TRPV2: variants seen among roughly 807,000 people sequenced by gnomAD.
The protein encoded by TRPV2 is transient receptor potential cation channel subfamily V member 2.
A neutral mutation model predicts 91.0 loss-of-function variants in TRPV2; 58 were observed. That is an observed-to-expected ratio of 0.64 (90% CI 0.52 to 0.79). The LOEUF (loss-of-function observed/expected upper bound fraction) is 0.79. Among genes scored for constraint, TRPV2 ranks in the 30% least tolerant of loss-of-function variants. The probability of loss-of-function intolerance (pLI) is 0.00; values close to 1 mark genes in which losing one functional copy is unlikely to be tolerated. For synonymous variants in TRPV2, 417 were observed against 414.8 expected (o/e 1.01, Z -0.06); for missense variants, 807 against 969.6 (o/e 0.83, Z 2.23).
chr17:16,431,663 T>A, intron 10 of TRPV2, 121 bp from the exon 11 acceptor site: 1 of 835,358 alleles, frequency 1.2e-6, no homozygotes. Flanking sequence ...CACATATGCA[T>A]ATGTATGTGT....
In TRPV2 at chr17:16,426,616, T is replaced by C. The variant is rs1411412138; in HGVS notation, c.1096-106T>C. On this transcript the variant is annotated intron_variant, in intron 6 of 14. Coordinates refer to ENST00000338560, the MANE Select transcript of TRPV2 (RefSeq NM_016113.5). The surrounding 1 kb of genome is among the most constrained non-coding windows in gnomAD (Gnocchi z 6.0). The stretch of plus-strand genomic sequence containing the variant: ...TCCTGGGGTGTGGAAGCCTGCTCCC[T>C]GTCCTCTCTCCTCATTTCCTGGGCC... The C allele has an allele frequency of 1.5e-6, 2 of 1,370,372 alleles. No homozygotes were observed. 84.9% of individuals were successfully genotyped at this position (1,370,372 alleles called of 1,614,324 possible).
At position 16,427,475 on chromosome 17, in the gene TRPV2, G is replaced by C. The variant is rs748553622; in HGVS notation, c.1278G>C (p.Glu426Asp). The change falls in exon 8 of 15, where the codon GAG becomes GAC. Residue 426 changes from glutamate (E) to aspartate (D), a missense_variant. Glu to Asp is a conservative substitution (Grantham distance 45). Transcript: ENST00000338560. ...KKQAAPHLKAEVGNSMLLTGH... is the reference protein window; with the variant it reads ...KKQAAPHLKADVGNSMLLTGH... The stretch of plus-strand genomic sequence containing the variant: ...AGGCCGCCCCTCACCTGAAAGCGGA[G>C]GTTGGAAACTCCATGCTGCTGACGG... 13 of 1,613,766 alleles carry C rather than the reference G, an allele frequency of 8.1e-6. No homozygotes were observed. Among genetic ancestry groups the C allele is most frequent in the Non-Finnish European group, 1.1e-5 (13 of 1,179,842 alleles).
chr17:16,429,555 T>C (rs2093400298), intron 10 of TRPV2, among the ~76,000 whole-genome samples: 1 of 152,122 alleles, frequency 6.6e-6, no homozygotes. Flanking sequence ...ACCCTTTAGA[T>C]GGGATGGTCT....
In TRPV2 at chr17:16,432,050, G is replaced by T; in HGVS notation, c.1739G>T (p.Gly580Val). ...NATESVQPME[G>V]QEDEGNGAQY... ...ACAGAGTCAGTGCAGCCCATGGAGG[G>T]ACAGGAGGACGAGGGCAACGGGGCC... is the stretch of plus-strand genomic sequence containing the variant. Residue 580 changes from glycine (G) to valine (V), a missense_variant, in exon 12 of 15, where the codon GGA (glycine) becomes GTA (valine). Gly to Val is a moderately radical substitution (Grantham distance 109). Transcript: ENST00000338560. 2 of 1,613,836 alleles carry T rather than the reference G, an allele frequency of 1.2e-6. No homozygotes were observed. Among genetic ancestry groups the T allele is most frequent in the Non-Finnish European group, 1.7e-6 (2 of 1,179,760 alleles).
intron 10 of TRPV2, among the ~76,000 whole-genome samples, chr17:16,431,275 A>T (rs1568918762): frequency 1.3e-5 from 1 of 74,798 alleles, no homozygotes; most frequent in African/African-American, 5.9e-5. Flanking sequence ...ATATATATAT[A>T]TATATATATA....
At chr17:16,420,089 T>G (rs1440407825) in intron 2 of TRPV2, 26 bp from the exon 3 acceptor site, 1 of 1,603,972 alleles carries the variant, frequency 6.2e-7, no homozygotes. Context: ...TTCTCCAGCA[T>G]GAGTCACAAA....
intron 2 of TRPV2, among the ~76,000 whole-genome samples, chr17:16,419,859 T>A (rs1290949401): frequency 6.6e-6 from 1 of 152,208 alleles, no homozygotes; most frequent in Non-Finnish European, 1.5e-5. Flanking sequence ...CACCTGATGC[T>A]GAAAAGTGTC....
intron 12 of TRPV2, chr17:16,433,263 G>A: frequency 3.6e-6 from 1 of 280,756 alleles, no homozygotes; most frequent in Admixed American, 4.9e-5. Flanking sequence ...CTGGTGGTGT[G>A]GCAATCTGGA....
In TRPV2 at chr17:16,423,783, C is replaced by T; in HGVS notation, c.924+16C>T. The T allele has an allele frequency of 1.3e-6, 2 of 1,539,156 alleles. No homozygotes were observed. Among genetic ancestry groups the T allele is most frequent in the Non-Finnish European group, 1.8e-6 (2 of 1,140,678 alleles). On this transcript the variant is annotated intron_variant, in intron 5 of 14. Transcript: ENST00000338560. ...CAAGATCGAGGTGAGCGGCTGTCCC[C>T]TTCCCACTTCCCCTCTCCAGGAAGC...
intron 13 of TRPV2, among the ~76,000 whole-genome samples, chr17:16,434,046 C>T (rs185767640): frequency 2.3e-3 from 353 of 151,644 alleles, no homozygotes; most frequent in Middle Eastern, 0.01. Context: ...TGCTCTGTGT[C>T]CCCCCACCCC....
chr17:16,420,572 A>T (rs2093352190), intron 3 of TRPV2, among the ~76,000 whole-genome samples: 1 of 152,204 alleles, frequency 6.6e-6, no homozygotes. Flanking sequence ...ATAATATATA[A>T]TGCACATACC....
At chr17:16,427,403 C>G in intron 7 of TRPV2, 46 bp from the exon 8 acceptor site, 1 of 1,580,546 alleles carries the variant, frequency 6.3e-7, no homozygotes, top group Non-Finnish European at 8.7e-7. Context: ...GTGAGCTGTT[C>G]GAGAGAGGAC....
chr17:16,423,845 C>T (rs2093370034), intron 5 of TRPV2, 78 bp downstream of exon 5: 1 of 1,433,708 alleles, frequency 7.0e-7, no homozygotes, highest in African/African-American at 1.4e-5. Context: ...AGAAAGAACC[C>T]AGGGGGTGGT....
chr17:16,428,232 G>T, intron 8 of TRPV2, 85 bp from the exon 9 acceptor site: 7 of 1,270,800 alleles, frequency 5.5e-6, no homozygotes, highest in Non-Finnish European at 6.9e-6. Flanking sequence ...CTCTAGCCTG[G>T]GTGGCAGGCT....
chr17:16,417,972 C>T (rs966788339), intron 2 of TRPV2, 104 bp downstream of exon 2: 1 of 1,172,728 alleles, frequency 8.5e-7, no homozygotes, highest in Non-Finnish European at 1.2e-6. Flanking sequence ...TGCCCCTTCC[C>T]ACAGCCTGTG....
intron 10 of TRPV2, 123 bp from the exon 11 acceptor site, chr17:16,431,661 C>T: frequency 1.2e-6 from 1 of 821,558 alleles, no homozygotes; most frequent in Non-Finnish European, 2.0e-6. Flanking sequence ...CCCACATATG[C>T]ATATGTATGT....
intron 5 of TRPV2, among the ~76,000 whole-genome samples, chr17:16,425,749 C>T (rs1568912258): frequency 6.6e-6 from 1 of 152,164 alleles, no homozygotes; most frequent in Admixed American, 6.5e-5. Flanking sequence ...TAGATTCTGA[C>T]CGCGAAAGTG....
In TRPV2 at chr17:16,433,430, G is replaced by A. The variant is rs190737847; in HGVS notation, c.1990-144G>A. 272 of 1,216,710 alleles carry A rather than the reference G, an allele frequency of 2.2e-4. 1 individual carries two copies. In the African/African-American group the frequency reaches 3.0e-3, roughly 13 times the overall value. The allele number at this position is 1,216,710 out of a possible 1,614,324, so 75.4% of individuals were successfully genotyped here. ...CCCACACAGGTAACCGGATGTTGGA[G>A]CCAGATTCGAATCCGCGTGTTTAGT... On this transcript the variant is annotated intron_variant, in intron 12 of 14. Transcript: ENST00000338560.
At position 16,420,258 on chromosome 17, in the gene TRPV2, G is replaced by A. The variant is rs1418837686; in HGVS notation, c.334+10G>A. 1 of 1,604,560 alleles carries A rather than the reference G, an allele frequency of 6.2e-7. No homozygotes were observed. The highest frequency in any genetic ancestry group is 8.5e-7 in the Non-Finnish European group (1 of 1,172,690). ...GACTCGGAATACACAGGTAGACCCT[G>A]CCCTGTGGATCCAAGGCTAGGCATC... is the stretch of plus-strand genomic sequence containing the variant. On this transcript the variant is annotated intron_variant, in intron 3 of 14. Transcript: ENST00000338560.
Sources: gnomAD v4.1 joint callset for allele counts (sites outside exome capture counted in the v4.1 genomes callset) on GRCh38, gnomAD v4.1.1 for gene constraint, Gnocchi (gnomAD v3.1) non-coding constraint, MANE v1.5 for transcripts, NCBI Gene and HGNC (gene_info 2026-07-23, HGNC 2026-07-21) for gene names.